Variants in PELI1 observed in about 807,000 individuals in gnomAD.
PELI1 encodes the protein E3 ubiquitin-protein ligase pellino homolog 1.
Under a neutral mutation model 41.3 loss-of-function variants are expected in PELI1, and 15 were observed. That is an observed-to-expected ratio of 0.36 (90% CI 0.24 to 0.56). PELI1 has a LOEUF of 0.56. Ranked by LOEUF, PELI1 falls within the 20% of genes least tolerant of loss-of-function variation. The probability of loss-of-function intolerance (pLI) is 0.82; values close to 1 mark genes in which losing one functional copy is unlikely to be tolerated. For synonymous variants in PELI1, 178 were observed against 180.1 expected, an observed-to-expected ratio of 0.99 and a Z score of 0.09; for missense variants, 403 against 525.5, an observed-to-expected ratio of 0.77 and a Z score of 2.28.
At chr2:64,101,022 G>A (rs941974753) in intron 3 of PELI1, among the ~76,000 whole-genome samples, 2 of 152,086 alleles carry the variant, frequency 1.3e-5, no homozygotes, top group Admixed American at 6.5e-5. Context: ...GAGCCACTGC[G>A]CCCGGCCCAT....
intron 1 of PELI1, among the ~76,000 whole-genome samples, chr2:64,127,922 C>G (rs547777354): frequency 6.6e-6 from 1 of 152,254 alleles, no homozygotes; most frequent in South Asian, 2.1e-4. Context: ...AATCAACCAT[C>G]TCAGATAAAA....
chr2:64,139,721 C>T (rs1024156517), intron 1 of PELI1, among the ~76,000 whole-genome samples: 34 of 152,184 alleles, frequency 2.2e-4, no homozygotes, highest in Admixed American at 1.6e-3. Context: ...GACATGTAAA[C>T]GGCATCAATA....
intron 4 of PELI1, among the ~76,000 whole-genome samples, chr2:64,098,396 G>T (rs946570408): frequency 1.3e-5 from 2 of 152,118 alleles, no homozygotes; most frequent in Non-Finnish European, 2.9e-5. Context: ...CGAATTTCCT[G>T]CTATTTGTGT....
At position 64,095,230 on chromosome 2, in the gene PELI1, T is replaced by G; in HGVS notation, c.729A>C (p.Leu243Phe). 6.2e-7 allele frequency: 1 copy of G among 1,613,998 alleles called. No individual in the cohort carries two copies. The highest frequency in any genetic ancestry group is 8.5e-7 in the Non-Finnish European group (1 of 1,179,928). ...ACAATGTTGCACCACAGAGGTCAAT[T>G]AACGAGCCATCTTGTAACTGATTGG... ...IETNQLQDGSLIDLCGATLLW... is the reference protein window; with the variant it reads ...IETNQLQDGSFIDLCGATLLW... The change falls in exon 7 of 7, where the codon TTA (leucine) becomes TTC (phenylalanine). Residue 243 changes from leucine (L) to phenylalanine (F), a missense_variant. Coordinates refer to ENST00000358912, the MANE Select transcript of PELI1 (RefSeq NM_020651.4).
At chr2:64,132,183 G>A (rs1576101000) in intron 1 of PELI1, among the ~76,000 whole-genome samples, 1 of 152,182 alleles carries the variant, frequency 6.6e-6, no homozygotes, top group East Asian at 1.9e-4. Context: ...CTTTATGCTT[G>A]ACATCGTGCT....
Position 64,092,715 on chromosome 2 carries a change from T to C in PELI1, c.*1987A>G. ...ATGCTTTTAAAAAAGAACCAGATAC[T>C]TTAAAGTGTTACATTAAATGCAAAC... On this transcript the variant is annotated 3_prime_UTR_variant, in exon 7 of 7. Transcript: ENST00000358912. 1 of 152,344 alleles carries C rather than the reference T, an allele frequency of 6.6e-6. No individual in the cohort carries two copies. Among genetic ancestry groups the C allele is most frequent in the East Asian group, 1.9e-4 (1 of 5,186 alleles). 9.4% of individuals were successfully genotyped at this position (152,344 alleles called of 1,614,324 possible).
At position 64,094,992 on chromosome 2, in the gene PELI1, T is replaced by G. The variant is rs138154902; in HGVS notation, c.967A>C (p.Lys323Gln). 8.1e-5 allele frequency: 130 copies of G among 1,614,048 alleles called. No homozygotes were observed. The highest frequency in any genetic ancestry group is 1.1e-4 in the Non-Finnish European group (130 of 1,179,986). Reference sequence around the variant, plus strand: ...CGATCTTTTCCATCACGTTCTTCTTTGTTTCCCCAGTTATGATAGCCATGT... The same window carrying G: ...CGATCTTTTCCATCACGTTCTTCTTGGTTTCCCCAGTTATGATAGCCATGT... ...HVHGYHNWGN[K>Q]EERDGKDREC... Residue 323 changes from lysine to glutamine, a missense_variant, in exon 7 of 7, where the codon AAA becomes CAA. Coordinates refer to ENST00000358912, the MANE Select transcript of PELI1 (RefSeq NM_020651.4).
At chr2:64,124,184 T>A (rs1681312746) in intron 1 of PELI1, among the ~76,000 whole-genome samples, 1 of 152,210 alleles carries the variant, frequency 6.6e-6, no homozygotes, top group Admixed American at 6.5e-5. Flanking sequence ...CTAAAGGCTA[T>A]GACATGAGAT....
chr2:64,122,439 C>A (rs760026635), intron 1 of PELI1, among the ~76,000 whole-genome samples: 3 of 150,592 alleles, frequency 2.0e-5, no homozygotes, highest in Non-Finnish European at 3.0e-5. Flanking sequence ...TCTTTTCTTA[C>A]GGACCTATTT....
intron 1 of PELI1, among the ~76,000 whole-genome samples, chr2:64,114,752 T>C (rs934738290): frequency 1.3e-5 from 2 of 152,196 alleles, no homozygotes; most frequent in African/African-American, 4.8e-5. Context: ...TTCAGCAGTA[T>C]CTCTGGCCTT....
intron 2 of PELI1, among the ~76,000 whole-genome samples, 170 bp from the exon 3 acceptor site, chr2:64,105,000 T>G (rs1419477875): frequency 3.3e-5 from 5 of 152,254 alleles, no homozygotes; most frequent in Admixed American, 3.3e-4. Flanking sequence ...GGTGCCAGTG[T>G]GTGAAACAAA....
chr2:64,135,333 C>G (rs1405177954), intron 1 of PELI1, among the ~76,000 whole-genome samples: 1 of 152,016 alleles, frequency 6.6e-6, no homozygotes, highest in African/African-American at 2.4e-5. Context: ...TCCTACAGGT[C>G]ATGTAGTTAT....
chr2:64,125,031 A>G (rs902974651), intron 1 of PELI1, among the ~76,000 whole-genome samples: 13 of 147,320 alleles, frequency 8.8e-5, no homozygotes, highest in African/African-American at 3.2e-4. Context: ...ATTAAAAAGA[A>G]TGCAACCCAG....
chr2:64,130,663 T>C (rs1681525960), intron 1 of PELI1, among the ~76,000 whole-genome samples: 1 of 152,218 alleles, frequency 6.6e-6, no homozygotes, highest in African/African-American at 2.4e-5. Flanking sequence ...ATTAAAAAGT[T>C]TGCTAAATTA....
At chr2:64,100,611 A>T in intron 3 of PELI1, 112 bp from the exon 4 acceptor site, 1 of 701,180 alleles carries the variant, frequency 1.4e-6, no homozygotes, top group Non-Finnish European at 2.5e-6. Flanking sequence ...ATATTTATAC[A>T]TTTTCCCCCT....
intron 1 of PELI1, among the ~76,000 whole-genome samples, chr2:64,127,880 A>G (rs1200725677): frequency 4.0e-5 from 6 of 151,794 alleles, no homozygotes; most frequent in Admixed American, 2.0e-4. Context: ...TTTCAAATCA[A>G]CTCTCCACCT....
At chr2:64,143,830 G>C (rs1682006845) in intron 1 of PELI1, among the ~76,000 whole-genome samples, 1 of 151,758 alleles carries the variant, frequency 6.6e-6, no homozygotes, top group Non-Finnish European at 1.5e-5. Context: ...TGGCCGCCGC[G>C]CGCCCCGCTC....
Position 64,105,353 on chromosome 2 carries a change from G to A in PELI1, c.72-523C>T, listed in dbSNP as rs540915366. Reference sequence around the variant, plus strand: ...CAAATGCACTCTCATTATGTTAGCAGAACCTGTCCAACAGACATGTTTGCT... The same window carrying A: ...CAAATGCACTCTCATTATGTTAGCAAAACCTGTCCAACAGACATGTTTGCT... On this transcript the variant is annotated intron_variant, in intron 2 of 6. Transcript: ENST00000358912. 2.9e-4 allele frequency among the ~76,000 whole-genome samples: 44 copies of A among 152,272 alleles called. 1 individual carries two copies. Among genetic ancestry groups the A allele is most frequent in the Admixed American group, 1.0e-3 (16 of 15,296 alleles).
intron 1 of PELI1, among the ~76,000 whole-genome samples, chr2:64,122,641 G>A (rs964617447): frequency 1.3e-5 from 2 of 152,108 alleles, no homozygotes; most frequent in Admixed American, 6.5e-5. Context: ...GTGACTCTTA[G>A]GTCACGTTCC....
Sources: allele counts gnomAD v4.1 joint callset (sites outside exome capture counted in the v4.1 genomes callset), GRCh38; gene constraint gnomAD v4.1.1; transcripts MANE v1.5; gene names NCBI Gene and HGNC (gene_info 2026-07-23, HGNC 2026-07-21).